AGAP1: variants seen among roughly 807,000 people sequenced by gnomAD.
The protein encoded by AGAP1 is arf-GAP with GTPase, ANK repeat and PH domain-containing protein 1.
A neutral mutation model predicts 105.3 loss-of-function variants in AGAP1; 29 were observed. That is an observed-to-expected ratio of 0.28 (90% CI 0.21 to 0.38). AGAP1 has a LOEUF of 0.38. Among genes scored for constraint, AGAP1 ranks in the 10% least tolerant of loss-of-function variants. The pLI is 1.00. For synonymous variants in AGAP1, 509 were observed against 485.9 expected (o/e 1.05, Z -0.63); for missense variants, 998 against 1,165.1 (o/e 0.86, Z 2.09).
intron 1 of AGAP1, among the ~76,000 whole-genome samples, chr2:235,562,786 G>A (rs1245046222): frequency 5.3e-5 from 8 of 152,270 alleles, no homozygotes; most frequent in African/African-American, 1.9e-4. Context: ...GGCTGGTGTC[G>A]CGGCTCATGC....
In AGAP1 at chr2:235,874,574, G is replaced by T. The variant is rs1229409254; in HGVS notation, c.1051-8771G>T. Among the ~76,000 whole-genome samples, 3 of 152,244 alleles carry T rather than the reference G, an allele frequency of 2.0e-5. No homozygotes were observed. Among genetic ancestry groups the T allele is most frequent in the Non-Finnish European group, 4.4e-5 (3 of 68,048 alleles). The stretch of plus-strand genomic sequence containing the variant: ...CTAAGAGGCTCGGCTGCTAACAGCA[G>T]ACGGGTTTGGGTGGGACTGGAGTGA... On this transcript the variant is annotated intron_variant, in intron 9 of 17. Coordinates refer to ENST00000304032, the MANE Select transcript of AGAP1 (RefSeq NM_001037131.3). The surrounding 1 kb of genome is among the most constrained non-coding windows in gnomAD (Gnocchi z 4.5).
intron 11 of AGAP1, among the ~76,000 whole-genome samples, chr2:235,923,438 T>G (rs1294949680): frequency 6.6e-6 from 1 of 152,128 alleles, no homozygotes; most frequent in African/African-American, 2.4e-5. Context: ...ATAGCCACGT[T>G]TACAGGGGCC....
At chr2:235,531,915 C>G (rs1943058700) in intron 1 of AGAP1, among the ~76,000 whole-genome samples, 1 of 152,098 alleles carries the variant, frequency 6.6e-6, no homozygotes, top group South Asian at 2.1e-4. Context: ...CCCGGCCTAG[C>G]TTTGCTTTTA....
chr2:235,696,600 T>G (rs7585456), intron 1 of AGAP1, among the ~76,000 whole-genome samples: 49,736 of 152,092 alleles, frequency 0.33, 9,871 homozygotes, highest in African/African-American at 0.54. Context: ...GGAGGCTGAT[T>G]AGATTTGCTG....
intron 6 of AGAP1, among the ~76,000 whole-genome samples, chr2:235,776,303 C>T (rs1955857164): frequency 1.3e-5 from 2 of 152,222 alleles, no homozygotes; most frequent in South Asian, 4.1e-4. Context: ...AGCCTCTCTC[C>T]CCCTACCTAC....
intron 9 of AGAP1, among the ~76,000 whole-genome samples, chr2:235,819,154 C>T (rs1017151099): frequency 1.3e-5 from 2 of 150,238 alleles, no homozygotes; most frequent in African/African-American, 2.4e-5. Flanking sequence ...TACTCTGACA[C>T]CCAGGCTGAA....
rs934017965 is a variant in AGAP1, at chr2:235,793,207, C to A, written c.674-4552C>A. On this transcript the variant is annotated intron_variant, in intron 6 of 17. Transcript: ENST00000304032. This position sits in a 1 kb window ranked among gnomAD's most constrained non-coding sequence, Gnocchi z 5.3. ...GGCCCAGCCTAGGGATTGCAGAGAGCAGGAGAGGCAGAGTCGAGCAGCATC... is the reference window on the plus strand; with the variant it reads ...GGCCCAGCCTAGGGATTGCAGAGAGAAGGAGAGGCAGAGTCGAGCAGCATC... Among the ~76,000 whole-genome samples, 5 of 152,118 alleles carry A rather than the reference C, an allele frequency of 3.3e-5. No homozygotes were observed. The highest frequency in any genetic ancestry group is 7.3e-5 in the Non-Finnish European group (5 of 68,036).
At position 235,964,055 on chromosome 2, in the gene AGAP1, C is replaced by T. The variant is rs2054292542; in HGVS notation, c.1484-4407C>T. On this transcript the variant is annotated intron_variant, in intron 12 of 17. Coordinates refer to ENST00000304032, the MANE Select transcript of AGAP1 (RefSeq NM_001037131.3). The surrounding 1 kb of genome is among the most constrained non-coding windows in gnomAD (Gnocchi z 4.6). Reference sequence around the variant, plus strand: ...AGGGGAGGCGAGCACTGGTGGTTGCCCTGGGCACAGGCATGCTAGTTAGAT... The same window carrying T: ...AGGGGAGGCGAGCACTGGTGGTTGCTCTGGGCACAGGCATGCTAGTTAGAT... Among the ~76,000 whole-genome samples the T allele has an allele frequency of 2.6e-5, 4 of 152,110 alleles. No homozygotes were observed. In the South Asian group the frequency reaches 8.3e-4, roughly 32 times the overall value.
At chr2:236,032,160 C>G (rs2057243905) in intron 13 of AGAP1, among the ~76,000 whole-genome samples, 1 of 152,160 alleles carries the variant, frequency 6.6e-6, no homozygotes, top group African/African-American at 2.4e-5. Flanking sequence ...TCCCCCAAAA[C>G]TCTTTGCTTT....
At chr2:235,581,554 C>T (rs1944934450) in intron 1 of AGAP1, among the ~76,000 whole-genome samples, 1 of 151,300 alleles carries the variant, frequency 6.6e-6, no homozygotes, top group African/African-American at 2.4e-5. Flanking sequence ...TGCCTGTAAT[C>T]CCACACTTTG....
At position 235,961,520 on chromosome 2, in the gene AGAP1, A is replaced by G. The variant is rs1402735028; in HGVS notation, c.1484-6942A>G. ...TGAGGCCAGCCGTGGACAGCAGTGC[A>G]GAGGGACAGGCCCTAGGGAGTTGTG... On this transcript the variant is annotated intron_variant, in intron 12 of 17. Coordinates refer to ENST00000304032, the MANE Select transcript of AGAP1 (RefSeq NM_001037131.3). The surrounding 1 kb of genome is among the most constrained non-coding windows in gnomAD (Gnocchi z 5.9). 6.6e-6 allele frequency among the ~76,000 whole-genome samples: 1 copy of G among 152,232 alleles called. No homozygotes were observed. Among genetic ancestry groups the G allele is most frequent in the Non-Finnish European group, 1.5e-5 (1 of 68,046 alleles).
rs1285215464 is a variant in AGAP1 at position 235,729,584 on chromosome 2, C to T, written c.311-11379C>T. Among the ~76,000 whole-genome samples the T allele has an allele frequency of 6.6e-6, 1 of 152,096 alleles. No homozygotes were observed. The highest frequency in any genetic ancestry group is 1.5e-5 in the Non-Finnish European group (1 of 68,036). ...TGCTTTCCAGCTCAGGGCGTTGGTC[C>T]ACTTGGTTATTCTTGGGGACCAAAA... is the stretch of plus-strand genomic sequence containing the variant. On this transcript the variant is annotated intron_variant, in intron 3 of 17. Coordinates refer to ENST00000304032, the MANE Select transcript of AGAP1 (RefSeq NM_001037131.3). This position sits in a 1 kb window ranked among gnomAD's most constrained non-coding sequence, Gnocchi z 5.0.
At position 235,712,631 on chromosome 2, in the gene AGAP1, A is replaced by C. The variant is rs2063197776; in HGVS notation, c.222+3394A>C. Among the ~76,000 whole-genome samples the C allele has an allele frequency of 6.6e-6, 1 of 152,226 alleles. No homozygotes were observed. The highest frequency in any genetic ancestry group is 2.4e-5 in the African/African-American group (1 of 41,464). ...AGAAATCAGTTTAGGAAGACATTGC[A>C]TTCCCTTTGGCCTTGTGATGTGAAG... On this transcript the variant is annotated intron_variant, in intron 2 of 17. Coordinates refer to ENST00000304032, the MANE Select transcript of AGAP1 (RefSeq NM_001037131.3). This position sits in a 1 kb window ranked among gnomAD's most constrained non-coding sequence, Gnocchi z 6.0.
intron 1 of AGAP1, among the ~76,000 whole-genome samples, chr2:235,510,604 CTT>C (rs1942029991): frequency 6.6e-6 from 1 of 152,102 alleles, no homozygotes; most frequent in South Asian, 2.1e-4. Context: ...ATATAATTAA[CTT>C]TTATGTAAAC....
chr2:235,860,074 G>A (rs1163753059), intron 9 of AGAP1, among the ~76,000 whole-genome samples: 1 of 152,094 alleles, frequency 6.6e-6, no homozygotes, highest in Non-Finnish European at 1.5e-5. Flanking sequence ...CTTCATCTCA[G>A]TTTGTTTTCT....
chr2:235,828,901 C>T (rs948544172), intron 9 of AGAP1, among the ~76,000 whole-genome samples: 1 of 152,200 alleles, frequency 6.6e-6, no homozygotes, highest in Non-Finnish European at 1.5e-5. Flanking sequence ...CTTGAGTCCT[C>T]GTTTGTAAGA....
At position 235,953,797 on chromosome 2, in the gene AGAP1, CCTGTGGTCCACG is replaced by C. The variant is rs1271703203; in HGVS notation, c.1484-14662_1484-14651del. On this transcript the variant is annotated intron_variant, in intron 12 of 17. Transcript: ENST00000304032. This position sits in a 1 kb window ranked among gnomAD's most constrained non-coding sequence, Gnocchi z 5.2. Reference sequence around the variant, plus strand: ...AATTATCAGGGCATGGTGGGTCATACCTGTGGTCCACGCTCCTTGGGAGGCTGAGGCAGGAGG... The same window carrying C: ...AATTATCAGGGCATGGTGGGTCATACCTCCTTGGGAGGCTGAGGCAGGAGG... Among the ~76,000 whole-genome samples the C allele has an allele frequency of 1.3e-5, 2 of 152,104 alleles. No homozygotes were observed. Among genetic ancestry groups the C allele is most frequent in the Non-Finnish European group, 2.9e-5 (2 of 68,026 alleles).
rs891192513 is a variant in AGAP1 at position 235,662,073 on chromosome 2, G to T, written c.164-47106G>T. On this transcript the variant is annotated intron_variant, in intron 1 of 17. Transcript: ENST00000304032. This position sits in a 1 kb window ranked among gnomAD's most constrained non-coding sequence, Gnocchi z 4.2. ...TAGGAGGGGGCTCCAGGAATTCAGG[G>T]AAGGAAAAGACCATGGCGCTGAGGA... is the stretch of plus-strand genomic sequence containing the variant. 4.6e-5 allele frequency among the ~76,000 whole-genome samples: 7 copies of T among 152,186 alleles called. No individual in the cohort carries two copies. The highest frequency in any genetic ancestry group is 1.7e-4 in the African/African-American group (7 of 41,440).
Position 235,551,118 on chromosome 2 carries a change from A to G in AGAP1, c.163+56269A>G, listed in dbSNP as rs1379542303. Among the ~76,000 whole-genome samples, 1 of 152,020 alleles carries G rather than the reference A, an allele frequency of 6.6e-6. No homozygotes were observed. Among genetic ancestry groups the G allele is most frequent in the Non-Finnish European group, 1.5e-5 (1 of 68,000 alleles). On this transcript the variant is annotated intron_variant, in intron 1 of 17. Transcript: ENST00000304032. The surrounding 1 kb of genome is among the most constrained non-coding windows in gnomAD (Gnocchi z 4.8). ...AGTGAGTTTGCTTCTGAGGAAGAGA[A>G]GTGGGGGGTCGGGGGCATCCCACCT... is the stretch of plus-strand genomic sequence containing the variant.
Sources: allele counts gnomAD v4.1 joint callset (sites outside exome capture counted in the v4.1 genomes callset), GRCh38; gene constraint gnomAD v4.1.1; non-coding constraint Gnocchi (gnomAD v3.1); transcripts MANE v1.5; gene names NCBI Gene and HGNC (gene_info 2026-07-23, HGNC 2026-07-21).